The following C13orf42 variants were observed in gnomAD, a reference collection of about 807,000 sequenced individuals.
C13orf42 encodes the protein chromosome 13 open reading frame 42, also known as uncharacterized protein C13orf42.
intron 1 of C13orf42, among the ~76,000 whole-genome samples, chr13:51,142,614 A>G (rs1953704123): frequency 6.8e-6 from 1 of 147,036 alleles, no homozygotes. Flanking sequence ...AAAAAGAAAG[A>G]AGAAAAAGAA....
intron 1 of C13orf42, among the ~76,000 whole-genome samples, chr13:51,091,003 T>C (rs1319288863): frequency 6.6e-6 from 1 of 152,206 alleles, no homozygotes; most frequent in Admixed American, 6.5e-5. Flanking sequence ...TATTCAAACA[T>C]GTCGCCTATT....
intron 1 of C13orf42, among the ~76,000 whole-genome samples, chr13:51,153,387 A>T (rs1001589521): frequency 6.6e-6 from 1 of 151,978 alleles, no homozygotes; most frequent in Non-Finnish European, 1.5e-5. Context: ...CACTCACCCA[A>T]TGCCTATGCT....
chr13:51,111,498 G>A (rs564932691), upstream of C13orf42, among the ~76,000 whole-genome samples: 4 of 152,318 alleles, frequency 2.6e-5, no homozygotes, highest in African/African-American at 7.2e-5. Context: ...GAAGCATTGA[G>A]TGCAAATACC....
intron 2 of C13orf42, 89 bp from the exon 3 acceptor site, chr13:51,085,648 C>T: frequency 5.0e-6 from 2 of 397,620 alleles, no homozygotes; most frequent in East Asian, 3.6e-5. Flanking sequence ...GGACTGAACA[C>T]TCACAGGAAA....
chr13:51,131,255 G>C (rs1265622234), intron 1 of C13orf42, among the ~76,000 whole-genome samples: 1 of 152,138 alleles, frequency 6.6e-6, no homozygotes, highest in Non-Finnish European at 1.5e-5. Context: ...AACTATTTGT[G>C]AGTATCTTAA....
chr13:51,132,092 T>A (rs574529511), intron 1 of C13orf42, among the ~76,000 whole-genome samples: 1 of 152,332 alleles, frequency 6.6e-6, no homozygotes, highest in South Asian at 2.1e-4. Flanking sequence ...CTTGAGATAA[T>A]TTTGCTTATT....
chr13:51,120,039 T>C (rs1379747810), intron 1 of C13orf42, among the ~76,000 whole-genome samples: 2 of 152,194 alleles, frequency 1.3e-5, no homozygotes, highest in Admixed American at 6.5e-5. Flanking sequence ...TAGGAAAGTA[T>C]TGAAGTCCGC....
chr13:51,135,320 C>A (rs911860641), intron 1 of C13orf42, among the ~76,000 whole-genome samples: 2 of 152,150 alleles, frequency 1.3e-5, no homozygotes, highest in African/African-American at 4.8e-5. Context: ...CCTGGGCAGC[C>A]ACAGACCTCC....
At chr13:51,134,112 G>GA (rs1202452486) in intron 1 of C13orf42, among the ~76,000 whole-genome samples, 3 of 152,108 alleles carry the variant, frequency 2.0e-5, no homozygotes, top group Non-Finnish European at 4.4e-5. Flanking sequence ...AGAATTTCCT[G>GA]AAAATCTAAG....
At chr13:51,128,474 G>C (rs1236971529) in intron 1 of C13orf42, among the ~76,000 whole-genome samples, 1 of 152,182 alleles carries the variant, frequency 6.6e-6, no homozygotes, top group East Asian at 1.9e-4. Flanking sequence ...GGTAAAGGAT[G>C]GGATTGGGTT....
chr13:51,094,520 A>G (rs1953213602), intron 1 of C13orf42, among the ~76,000 whole-genome samples: 1 of 152,196 alleles, frequency 6.6e-6, no homozygotes, highest in South Asian at 2.1e-4. Context: ...TACAATTTAG[A>G]GAATTTTAAA....
At chr13:51,129,076 CT>C (rs376148161) in intron 1 of C13orf42, among the ~76,000 whole-genome samples, 15 of 152,336 alleles carry the variant, frequency 9.8e-5, no homozygotes, top group African/African-American at 3.6e-4. Flanking sequence ...GAACTACTCT[CT>C]TAACCATGTT....
chr13:51,090,554 C>T (rs1953171363), intron 1 of C13orf42, among the ~76,000 whole-genome samples: 1 of 152,212 alleles, frequency 6.6e-6, no homozygotes, highest in African/African-American at 2.4e-5. Context: ...CAGAAGGCAA[C>T]TGTCATCAGC....
chr13:51,115,563 C>T (rs376140316), upstream of C13orf42, among the ~76,000 whole-genome samples: 17 of 152,142 alleles, frequency 1.1e-4, no homozygotes, highest in African/African-American at 3.4e-4. Flanking sequence ...TCAAAGAAAA[C>T]AATCAGCACC....
chr13:51,155,299 GA>G (rs1342983811), intron 1 of C13orf42, among the ~76,000 whole-genome samples: 1 of 152,152 alleles, frequency 6.6e-6, no homozygotes, highest in Non-Finnish European at 1.5e-5. Context: ...ATATTTTTAA[GA>G]AGAGTATAAC....
chr13:51,114,645 T>G (rs9568521), upstream of C13orf42, among the ~76,000 whole-genome samples: 3,236 of 120,510 alleles, frequency 0.027, 92 homozygotes, highest in African/African-American at 0.085. Flanking sequence ...GATAGATAGA[T>G]AGAGATAGAC....
intron 1 of C13orf42, among the ~76,000 whole-genome samples, chr13:51,145,173 C>G (rs186178408): frequency 6.6e-6 from 1 of 152,208 alleles, no homozygotes; most frequent in Admixed American, 6.5e-5. Flanking sequence ...TTTGGAATCA[C>G]TGAAAACTAA....
At chr13:51,161,535 T>G (rs1439591970) in intron 1 of C13orf42, among the ~76,000 whole-genome samples, 1 of 152,130 alleles carries the variant, frequency 6.6e-6, no homozygotes. Flanking sequence ...AATATTCCCT[T>G]GCCTAATCAT....
rs559477682 is a variant in C13orf42, at chr13:51,147,430, T to A, written n.136+24823A>T. Among the ~76,000 whole-genome samples, 64 of 152,098 alleles carry A rather than the reference T, an allele frequency of 4.2e-4. 1 individual carries two copies. Among genetic ancestry groups the A allele is most frequent in the Admixed American group, 2.9e-3 (44 of 15,294 alleles). On this transcript the variant is annotated intron_variant and non_coding_transcript_variant, in intron 1 of 4. Transcript: ENST00000433280. ...ATCCTCCAGGGCTCTGTGGACTCAT[T>A]TTAAACGCAAGGGGTGAGGCCAGGT...
Sources: gnomAD v4.1 joint callset for allele counts (sites outside exome capture counted in the v4.1 genomes callset) on GRCh38, gnomAD v4.1.1 for gene constraint, MANE v1.5 for transcripts, NCBI Gene and HGNC (gene_info 2026-07-23, HGNC 2026-07-21) for gene names.